The following SLIT1 variants were observed in gnomAD, a reference collection of about 807,000 sequenced individuals.
SLIT1 encodes the protein slit homolog 1 protein.
Under a neutral mutation model 186.1 loss-of-function variants are expected in SLIT1, and 66 were observed. That is an observed-to-expected ratio of 0.35 (90% CI 0.29 to 0.44). The LOEUF is 0.44. Among genes scored for constraint, SLIT1 ranks in the 20% least tolerant of loss-of-function variants. The pLI is 1.00. For missense variants in SLIT1, 1,638 were observed against 2,037.4 expected (o/e 0.80, Z 3.77); for synonymous variants, 761 against 833.8 (o/e 0.91, Z 1.50).
At chr10:97,176,907 T>C (rs974852801) in intron 1 of SLIT1, among the ~76,000 whole-genome samples, 1 of 152,156 alleles carries the variant, frequency 6.6e-6, no homozygotes, top group Admixed American at 6.5e-5. Flanking sequence ...TCCTGCCCTC[T>C]AATGTGGGTG....
At chr10:97,057,784 C>T in intron 11 of SLIT1, 1 of 502,220 alleles carries the variant, frequency 2.0e-6, no homozygotes, top group Non-Finnish European at 3.6e-6. Context: ...TCAAAGTTTT[C>T]TGCATTGAGC....
At position 97,056,413 on chromosome 10, in the gene SLIT1, G is replaced by T; in HGVS notation, c.1209C>A (p.Asp403Glu). The change falls in exon 13 of 37, where the codon GAC becomes GAA. Residue 403 changes from aspartate (D) to glutamate (E), a missense_variant. Asp to Glu is a conservative substitution (Grantham distance 45). Around this residue, in one of 3 missense-constraint regions of SLIT1, gnomAD observed 1,245 missense variants for 1,535.3 expected, o/e 0.81. Transcript: ENST00000266058. ...INCIRPDAFQ[D>E]LQNLSLLSLY... is the part of the protein sequence containing the mutation. The stretch of plus-strand genomic sequence containing the variant: ...GGGAGAGCAGTGAGAGGTTCTGCAG[G>T]TCCTGGAAGGCATCGGGCCGGATGC... 6.2e-7 allele frequency: 1 copy of T among 1,614,210 alleles called. No individual in the cohort carries two copies. The highest frequency in any genetic ancestry group is 8.5e-7 in the Non-Finnish European group (1 of 1,180,032).
intron 4 of SLIT1, among the ~76,000 whole-genome samples, chr10:97,148,859 G>A (rs1467551411): frequency 6.6e-6 from 1 of 152,126 alleles, no homozygotes; most frequent in Non-Finnish European, 1.5e-5. Flanking sequence ...ACAAGAGCCC[G>A]TTCCTGCACG....
intron 4 of SLIT1, among the ~76,000 whole-genome samples, chr10:97,120,311 G>C (rs1849549457): frequency 6.6e-6 from 1 of 152,106 alleles, no homozygotes; most frequent in Non-Finnish European, 1.5e-5. Context: ...GGCTCTGTGA[G>C]AAAGGAGGGG....
At chr10:97,080,922 T>C (rs12268671) in intron 4 of SLIT1, among the ~76,000 whole-genome samples, 61,694 of 152,138 alleles carry the variant, frequency 0.41, 14,692 homozygotes, top group African/African-American at 0.66. Context: ...GCCTGGTACC[T>C]GATCTCAGGA....
intron 30 of SLIT1, among the ~76,000 whole-genome samples, chr10:97,013,306 A>T (rs1848426894): frequency 6.6e-6 from 1 of 152,174 alleles, no homozygotes; most frequent in Admixed American, 6.5e-5. Flanking sequence ...TGGCCATGAG[A>T]TGGGATGCTT....
intron 13 of SLIT1, among the ~76,000 whole-genome samples, chr10:97,053,908 C>T (rs1848813107): frequency 6.6e-6 from 1 of 152,046 alleles, no homozygotes; most frequent in South Asian, 2.1e-4. Context: ...AAATGTAATC[C>T]CCAGTGTTGG....
chr10:97,117,496 C>G (rs1037057121), intron 4 of SLIT1, among the ~76,000 whole-genome samples: 1 of 152,164 alleles, frequency 6.6e-6, no homozygotes, highest in Non-Finnish European at 1.5e-5. Flanking sequence ...AGGAATATGA[C>G]TATTCAAGGT....
intron 1 of SLIT1, among the ~76,000 whole-genome samples, chr10:97,179,206 C>CA (rs1323635745): frequency 6.6e-6 from 1 of 152,200 alleles, no homozygotes; most frequent in African/African-American, 2.4e-5. Context: ...ATGTGCCAGG[C>CA]ATTACTCTAT....
intron 7 of SLIT1, among the ~76,000 whole-genome samples, 171 bp from the exon 8 acceptor site, chr10:97,063,789 C>G (rs565220882): frequency 8.5e-5 from 13 of 152,254 alleles, no homozygotes; most frequent in African/African-American, 3.1e-4. Flanking sequence ...ATCCACAGCC[C>G]CGTGAAGATC....
intron 12 of SLIT1, among the ~76,000 whole-genome samples, chr10:97,056,897 G>T (rs1460003292): frequency 1.3e-5 from 2 of 152,202 alleles, no homozygotes; most frequent in Non-Finnish European, 2.9e-5. Flanking sequence ...AGGCCGAGCT[G>T]GCCTGGGTGT....
At chr10:97,047,095 T>C (rs947591124) in intron 16 of SLIT1, 30 bp from the exon 17 acceptor site, 16 of 1,378,618 alleles carry the variant, frequency 1.2e-5, no homozygotes, top group African/African-American at 2.8e-5. Context: ...ACTTGCACAT[T>C]CACAAATGAT....
chr10:97,119,553 G>A (rs1225212625), intron 4 of SLIT1, among the ~76,000 whole-genome samples: 1 of 152,138 alleles, frequency 6.6e-6, no homozygotes, highest in Non-Finnish European at 1.5e-5. Flanking sequence ...GCCGTGAACA[G>A]AAGGTGGGTT....
intron 4 of SLIT1, among the ~76,000 whole-genome samples, chr10:97,086,441 G>T (rs1849160409): frequency 6.6e-6 from 1 of 152,064 alleles, no homozygotes; most frequent in Non-Finnish European, 1.5e-5. Flanking sequence ...AGCCAGGCAT[G>T]GTGGTGCATG....
chr10:97,059,894 A>G (rs974188190), intron 10 of SLIT1, among the ~76,000 whole-genome samples, 193 bp downstream of exon 10: 13 of 152,182 alleles, frequency 8.5e-5, no homozygotes, highest in African/African-American at 3.1e-4. Flanking sequence ...CACTCCCTTC[A>G]GGCCTCACGA....
rs550944728 is a variant in SLIT1 at position 97,043,587 on chromosome 10, C to T, written c.1854-74G>A. 44 of 1,408,364 alleles carry T rather than the reference C, an allele frequency of 3.1e-5. No homozygotes were observed. The South Asian group carries it at 3.5e-4, about 11-fold the overall frequency. The allele number at this position is 1,408,364 out of a possible 1,614,324, so 87.2% of individuals were successfully genotyped here. ...CCATCCACCTGGGCCACGCAGCTTC[C>T]GCCATCGTGGCTCGTTCACAGTTCT... On this transcript the variant is annotated intron_variant, in intron 18 of 36. Coordinates refer to ENST00000266058, the MANE Select transcript of SLIT1 (RefSeq NM_003061.3). This position sits in a 1 kb window ranked among gnomAD's most constrained non-coding sequence, Gnocchi z 7.0.
intron 14 of SLIT1, among the ~76,000 whole-genome samples, 189 bp from the exon 15 acceptor site, chr10:97,048,185 G>T (rs1358349597): frequency 1.3e-5 from 2 of 152,216 alleles, no homozygotes; most frequent in Non-Finnish European, 2.9e-5. Context: ...GACACTGGGG[G>T]TGTCGCATCC....
chr10:97,119,242 A>T (rs1849536812), intron 4 of SLIT1, among the ~76,000 whole-genome samples: 1 of 152,088 alleles, frequency 6.6e-6, no homozygotes, highest in South Asian at 2.1e-4. Context: ...GGGTCAACTC[A>T]TCGCCATCCT....
At chr10:97,178,944 C>T (rs952484267) in intron 1 of SLIT1, among the ~76,000 whole-genome samples, 1 of 152,186 alleles carries the variant, frequency 6.6e-6, no homozygotes, top group Non-Finnish European at 1.5e-5. Flanking sequence ...AACTCACCAA[C>T]ACAAATCGTC....
Sources: gnomAD v4.1 joint callset for allele counts (sites outside exome capture counted in the v4.1 genomes callset) on GRCh38, gnomAD v4.1.1 for gene constraint, gnomAD v4.1.1 regional missense constraint, Gnocchi (gnomAD v3.1) non-coding constraint, MANE v1.5 for transcripts, NCBI Gene and HGNC (gene_info 2026-07-23, HGNC 2026-07-21) for gene names.